IL15RA: variants seen among roughly 807,000 people sequenced by gnomAD.
IL15RA encodes the protein interleukin 15 receptor subunit alpha.
Under a neutral mutation model 24.2 loss-of-function variants are expected in IL15RA, and 26 were observed. The ratio of observed to expected loss-of-function variants is 1.07; its 90% confidence interval spans 0.79 to 1.49. The LOEUF is 1.49. IL15RA is among the 40% of genes most tolerant of loss of function. The pLI is 0.00. For synonymous variants in IL15RA, 166 were observed against 157.6 expected, an observed-to-expected ratio of 1.05 and a Z score of -0.40; for missense variants, 354 against 356.4, an observed-to-expected ratio of 0.99 and a Z score of 0.05.
chr10:5,961,528 C>T lies in IL15RA; in HGVS notation c.383-961G>A, dbSNP rs1375578328. ...CTGAGAGCAGGTGAAGCTGCGCTGG[C>T]CGAGGACGCTCGGAGCGGCTGCGTG... On this transcript the variant is annotated intron_variant, in intron 3 of 6. Transcript: ENST00000379977. The surrounding 1 kb of genome is among the most constrained non-coding windows in gnomAD (Gnocchi z 5.2). Among the ~76,000 whole-genome samples, 1 of 152,224 alleles carries T rather than the reference C, an allele frequency of 6.6e-6. No homozygotes were observed. The highest frequency in any genetic ancestry group is 1.5e-5 in the Non-Finnish European group (1 of 68,036).
At position 5,963,043 on chromosome 10, in the gene IL15RA, G is replaced by A. The variant is rs368420219; in HGVS notation, c.382+700C>T. Among the ~76,000 whole-genome samples the A allele has an allele frequency of 7.2e-5, 11 of 152,318 alleles. No homozygotes were observed. The South Asian group carries it at 1.2e-3, about 17-fold the overall frequency. On this transcript the variant is annotated intron_variant, in intron 3 of 6. Transcript: ENST00000379977. The surrounding 1 kb of genome is among the most constrained non-coding windows in gnomAD (Gnocchi z 5.3). ...TGGGATGTGCTGGTGTTTAGGTCTG[G>A]TGGGGGCAGCTCTCCACAGGTCTCT...
chr10:5,963,809 G>T lies in IL15RA; in HGVS notation c.316C>A (p.Pro106Thr). 1 of 1,548,352 alleles carries T rather than the reference G, an allele frequency of 6.5e-7. No individual in the cohort carries two copies. Among genetic ancestry groups the T allele is most frequent in the Non-Finnish European group, 8.6e-7 (1 of 1,156,946 alleles). The change falls in exon 3 of 7, where the codon CCA becomes ACA. Residue 106 changes from proline (P) to threonine (T), a missense_variant. Transcript: ENST00000379977. This position sits in a 1 kb window ranked among gnomAD's most constrained non-coding sequence, Gnocchi z 5.3. ...CCTGCCGTCGTTACTGTGGAGGGTG[G>T]CGCTGGCCTTTGGTGAACCAGGGCA... is the stretch of plus-strand genomic sequence containing the variant. ...DPALVHQRPA[P>T]PSTVTTAGVT...
chr10:5,952,184 G>A (rs1833927598), downstream of IL15RA, among the ~76,000 whole-genome samples: 1 of 152,160 alleles, frequency 6.6e-6, no homozygotes, highest in South Asian at 2.1e-4. Flanking sequence ...CCACTGTGTG[G>A]ATTAGATAAT....
chr10:5,978,693 C>T (rs770648964), upstream of IL15RA, among the ~76,000 whole-genome samples: 1 of 152,098 alleles, frequency 6.6e-6, no homozygotes, highest in Non-Finnish European at 1.5e-5. The surrounding 1 kb of genome is among the most constrained non-coding windows in gnomAD (Gnocchi z 5.2). Context: ...GTCAGGAATT[C>T]GAGACTAGCC....
At position 5,965,021 on chromosome 10, in the gene IL15RA, A is replaced by T. The variant is rs369730769; in HGVS notation, c.283+1124T>A. 9.8e-5 allele frequency among the ~76,000 whole-genome samples: 15 copies of T among 152,298 alleles called. No homozygotes were observed. The highest frequency in any genetic ancestry group is 3.4e-4 in the African/African-American group (14 of 41,564). Reference sequence around the variant, plus strand: ...AGCCAGTGGCAATGTCCAGCGCCTCAAGGAGCTCCCCTCTGTCCCCTGCTG... The same window carrying T: ...AGCCAGTGGCAATGTCCAGCGCCTCTAGGAGCTCCCCTCTGTCCCCTGCTG... On this transcript the variant is annotated intron_variant, in intron 2 of 6. Transcript: ENST00000379977. This position sits in a 1 kb window ranked among gnomAD's most constrained non-coding sequence, Gnocchi z 5.8.
At chr10:5,969,034 G>C in intron 1 of IL15RA, 1 of 1,464,702 alleles carries the variant, frequency 6.8e-7, no homozygotes, top group Non-Finnish European at 9.2e-7. Context: ...TGTATTGTGT[G>C]TGTTTCTGGC....
rs1286201252 is a variant in IL15RA at position 5,968,084 on chromosome 10, C to A, written c.89-1745G>T. Among the ~76,000 whole-genome samples, 1 of 151,938 alleles carries A rather than the reference C, an allele frequency of 6.6e-6. No individual in the cohort carries two copies. Among genetic ancestry groups the A allele is most frequent in the African/African-American group, 2.4e-5 (1 of 41,364 alleles). ...AAACAAACAGAAAACCCCCCAAAAA[C>A]CAACAAACCAACCAAACAAAAAACA... On this transcript the variant is annotated intron_variant, in intron 1 of 6. Transcript: ENST00000379977. The surrounding 1 kb of genome is among the most constrained non-coding windows in gnomAD (Gnocchi z 5.4).
intron 6 of IL15RA, among the ~76,000 whole-genome samples, chr10:5,954,299 A>G (rs1834215832): frequency 6.6e-6 from 1 of 151,124 alleles, no homozygotes; most frequent in African/African-American, 2.4e-5. Flanking sequence ...TTTTTTGTAG[A>G]GATCAGGTTT....
rs1835035491 is a variant in IL15RA at position 5,959,046 on chromosome 10, C to T, written c.616+708G>A. Among the ~76,000 whole-genome samples the T allele has an allele frequency of 6.6e-6, 1 of 152,138 alleles. No homozygotes were observed. The highest frequency in any genetic ancestry group is 2.1e-4 in the South Asian group (1 of 4,820). ...CTTGTAAACGCTTTCCCCTTTTCCT[C>T]CTTATCATCACTTGCACGTTCTCTT... On this transcript the variant is annotated intron_variant, in intron 5 of 6. Transcript: ENST00000379977. This position sits in a 1 kb window ranked among gnomAD's most constrained non-coding sequence, Gnocchi z 4.1.
In IL15RA at chr10:5,956,404, G is replaced by GGT; in HGVS notation, c.666_667insAC (p.Leu223ThrfsTer28). 6.2e-7 allele frequency: 1 copy of GGT among 1,614,048 alleles called. No individual in the cohort carries two copies. The highest frequency in any genetic ancestry group is 2.2e-5 in the East Asian group (1 of 44,884). ...CTTGACTTGAGGTAGCATGCCAGGA[G>GGT]AGACACAGCGCTCAGCCCACACAGC... On this transcript the variant is annotated frameshift_variant, in exon 6 of 7. Transcript: ENST00000379977. LOFTEE classifies it low-confidence loss of function (END_TRUNC).
intron 1 of IL15RA, among the ~76,000 whole-genome samples, chr10:5,974,641 C>G (rs2132713059): frequency 6.6e-6 from 1 of 152,230 alleles, no homozygotes; most frequent in South Asian, 2.1e-4. Context: ...CTTTGGGAGG[C>G]CAAAGCAGGC....
At chr10:5,977,296 A>C in intron 1 of IL15RA, 109 bp downstream of exon 1, 1 of 457,132 alleles carries the variant, frequency 2.2e-6, no homozygotes, top group Non-Finnish European at 3.5e-6. Flanking sequence ...TCCCGAGGGC[A>C]CCGACGCCCC....
At position 5,955,544 on chromosome 10, in the gene IL15RA, C is replaced by CA. The variant is rs1391288835; in HGVS notation, c.692+834dup. On this transcript the variant is annotated intron_variant, in intron 6 of 6. Transcript: ENST00000379977. This position sits in a 1 kb window ranked among gnomAD's most constrained non-coding sequence, Gnocchi z 5.3. ...TACTGGTTACTAATTGATAGAAGTACAAAATGAAGGCTAGAATGCCATTTG... is the reference window on the plus strand; with the variant it reads ...TACTGGTTACTAATTGATAGAAGTACAAAAATGAAGGCTAGAATGCCATTTG... Among the ~76,000 whole-genome samples the CA allele has an allele frequency of 3.3e-5, 5 of 151,924 alleles. No homozygotes were observed. The highest frequency in any genetic ancestry group is 1.2e-4 in the African/African-American group (5 of 41,332).
chr10:5,966,011 G>C lies in IL15RA; in HGVS notation c.283+134C>G. 1 of 579,852 alleles carries C rather than the reference G, an allele frequency of 1.7e-6. No homozygotes were observed. Among genetic ancestry groups the C allele is most frequent in the Admixed American group, 2.9e-5 (1 of 34,406 alleles). 35.9% of individuals were successfully genotyped at this position (579,852 alleles called of 1,614,324 possible). A position where few individuals can be genotyped will look rare whatever the true frequency, so the allele number is the denominator to read the frequency against. On this transcript the variant is annotated intron_variant, in intron 2 of 6. Coordinates refer to ENST00000379977, the MANE Select transcript of IL15RA (RefSeq NM_002189.4). This position sits in a 1 kb window ranked among gnomAD's most constrained non-coding sequence, Gnocchi z 6.4. The stretch of plus-strand genomic sequence containing the variant: ...GCTGGGATTACAGGTGTGAGCCACC[G>C]TGCCCGGCCCCCACTGGTGTGTTTA...
chr10:5,969,957 G>A (rs372264469), intron 1 of IL15RA, among the ~76,000 whole-genome samples: 3 of 151,984 alleles, frequency 2.0e-5, no homozygotes, highest in Non-Finnish European at 4.4e-5. Flanking sequence ...TATTTATTTC[G>A]ATTTCTTATT....
In IL15RA at chr10:5,970,643, A is replaced by G. The variant is rs913019030; in HGVS notation, c.89-4304T>C. Among the ~76,000 whole-genome samples, 3 of 152,200 alleles carry G rather than the reference A, an allele frequency of 2.0e-5. No homozygotes were observed. Among genetic ancestry groups the G allele is most frequent in the Non-Finnish European group, 4.4e-5 (3 of 68,046 alleles). ...AATGGTGGCCAGTTACTTACTTTAT[A>G]AAGTTGGACTGTCTCATAACTATAT... On this transcript the variant is annotated intron_variant, in intron 1 of 6. Transcript: ENST00000379977. The surrounding 1 kb of genome is among the most constrained non-coding windows in gnomAD (Gnocchi z 4.1).
rs1223876059 is a variant in IL15RA, at chr10:5,970,370, G to T, written c.89-4031C>A. ...CCCCATGACACATTGTTATTATTTT[G>T]CTTTAAACAGTTGATTATTGTTTAT... On this transcript the variant is annotated intron_variant, in intron 1 of 6. Transcript: ENST00000379977. This position sits in a 1 kb window ranked among gnomAD's most constrained non-coding sequence, Gnocchi z 4.1. 6.6e-6 allele frequency among the ~76,000 whole-genome samples: 1 copy of T among 152,062 alleles called. No homozygotes were observed. The highest frequency in any genetic ancestry group is 1.9e-4 in the East Asian group (1 of 5,204).
chr10:5,970,736 ATTATTTTATTTTATTTTATT>A lies in IL15RA; in HGVS notation c.89-4417_89-4398del, dbSNP rs55906065. Among the ~76,000 whole-genome samples the A allele has an allele frequency of 4.0e-3, 579 of 143,654 alleles. 6 individuals carry two copies. Among genetic ancestry groups the A allele is most frequent in the African/African-American group, 0.012 (447 of 38,460 alleles). 94.2% of individuals were successfully genotyped at this position (143,654 alleles called of 152,430 possible). A position where few individuals can be genotyped will look rare whatever the true frequency, so the allele number is the denominator to read the frequency against. ...TAAAATGATTTTATTTTATTTCATT[ATTATTTTATTTTATTTTATT>A]TTATTTTATTTTATTTTATTTTGAG... On this transcript the variant is annotated intron_variant, in intron 1 of 6. Transcript: ENST00000379977. The surrounding 1 kb of genome is among the most constrained non-coding windows in gnomAD (Gnocchi z 4.1).
At position 5,970,068 on chromosome 10, in the gene IL15RA, A is replaced by G. The variant is rs1837326342; in HGVS notation, c.89-3729T>C. 2.6e-5 allele frequency among the ~76,000 whole-genome samples: 4 copies of G among 152,312 alleles called. No individual in the cohort carries two copies. In the South Asian group the frequency reaches 6.2e-4, roughly 24 times the overall value. On this transcript the variant is annotated intron_variant, in intron 1 of 6. Coordinates refer to ENST00000379977, the MANE Select transcript of IL15RA (RefSeq NM_002189.4). The surrounding 1 kb of genome is among the most constrained non-coding windows in gnomAD (Gnocchi z 4.1). ...TTCTAATAGCAGCTTTGTAGATTCC[A>G]TATGATTTCCTATGGAGATGATCAC...
Sources: gnomAD v4.1 joint callset for allele counts (sites outside exome capture counted in the v4.1 genomes callset) on GRCh38, gnomAD v4.1.1 for gene constraint, Gnocchi (gnomAD v3.1) non-coding constraint, MANE v1.5 for transcripts, NCBI Gene and HGNC (gene_info 2026-07-23, HGNC 2026-07-21) for gene names.